Variants in LPAR1 observed in about 807,000 individuals in gnomAD.
LPAR1 encodes lysophosphatidic acid receptor 1.
In LPAR1, 5 loss-of-function variants were observed where a neutral mutation model predicts 23.8. The observed-to-expected ratio is 0.21, with a 90% CI of 0.11 to 0.44. The LOEUF (loss-of-function observed/expected upper bound fraction) is 0.44. Among genes scored for constraint, LPAR1 ranks in the 20% least tolerant of loss-of-function variants. The pLI is 0.99. For synonymous variants in LPAR1, 160 were observed against 164.7 expected, an observed-to-expected ratio of 0.97 and a Z score of 0.22; for missense variants, 311 against 482.8, an observed-to-expected ratio of 0.64 and a Z score of 3.33.
intron 5 of LPAR1, among the ~76,000 whole-genome samples, chr9:110,924,499 C>CT (rs11434244): frequency 0.22 from 32,625 of 151,598 alleles, 4,312 homozygotes; most frequent in Admixed American, 0.29. Context: ...AAATGATTTT[C>CT]TTTTTTTTCC....
intron 5 of LPAR1, among the ~76,000 whole-genome samples, chr9:110,900,897 A>C (rs760103259): frequency 1.3e-5 from 2 of 152,208 alleles, no homozygotes; most frequent in Non-Finnish European, 2.9e-5. Context: ...ATTTTTGCTC[A>C]TATGTGCCAA....
chr9:110,961,382 A>C (rs1013375532), intron 4 of LPAR1, among the ~76,000 whole-genome samples: 4 of 151,924 alleles, frequency 2.6e-5, no homozygotes, highest in African/African-American at 9.7e-5. Context: ...GCACTTTGGG[A>C]GGCCGAGACG....
At chr9:110,886,359 C>A (rs1306121180) in intron 5 of LPAR1, among the ~76,000 whole-genome samples, 2 of 34,690 alleles carry the variant, frequency 5.8e-5, no homozygotes, top group Non-Finnish European at 9.8e-5. Flanking sequence ...AGCGAAACTC[C>A]ATCTCAAAAA....
chr9:110,957,231 C>T (rs1221656898), intron 4 of LPAR1, among the ~76,000 whole-genome samples: 3 of 151,082 alleles, frequency 2.0e-5, no homozygotes. Context: ...GTAGTGCGCA[C>T]CTATAGTCCC....
At chr9:110,983,106 C>T (rs1176245853) in intron 2 of LPAR1, among the ~76,000 whole-genome samples, 12 of 151,944 alleles carry the variant, frequency 7.9e-5, no homozygotes, top group Admixed American at 7.9e-4. Context: ...TATAGAGGTT[C>T]CTCAAAAAAA....
chr9:110,897,033 C>G (rs978102897), intron 5 of LPAR1, among the ~76,000 whole-genome samples: 2 of 152,042 alleles, frequency 1.3e-5, no homozygotes, highest in African/African-American at 4.8e-5. Flanking sequence ...ATGATCTGCC[C>G]ACCTCGGCCT....
At chr9:110,927,900 AT>A (rs2094153425) in intron 5 of LPAR1, among the ~76,000 whole-genome samples, 1 of 152,140 alleles carries the variant, frequency 6.6e-6, no homozygotes, top group Admixed American at 6.5e-5. Context: ...ACTGTGCTAT[AT>A]GTTGAAGGGA....
At chr9:110,876,788 G>A (rs982444535) in intron 5 of LPAR1, among the ~76,000 whole-genome samples, 1 of 152,216 alleles carries the variant, frequency 6.6e-6, no homozygotes, top group Non-Finnish European at 1.5e-5. Context: ...TAAGAGGAAT[G>A]AAAATATAGA....
intron 2 of LPAR1, among the ~76,000 whole-genome samples, chr9:111,007,643 T>C (rs2097247341): frequency 1.3e-5 from 2 of 152,150 alleles, no homozygotes; most frequent in Non-Finnish European, 2.9e-5. Flanking sequence ...TTGCTGCACT[T>C]TCGAGCACTG....
At chr9:110,937,055 T>G (rs1196120129) in intron 5 of LPAR1, among the ~76,000 whole-genome samples, 1 of 152,184 alleles carries the variant, frequency 6.6e-6, no homozygotes, top group Non-Finnish European at 1.5e-5. Context: ...TCAAGTTAAC[T>G]ATACCTTGAA....
chr9:110,928,601 C>T (rs1588377255), intron 5 of LPAR1, among the ~76,000 whole-genome samples: 3 of 152,288 alleles, frequency 2.0e-5, no homozygotes, highest in African/African-American at 7.2e-5. Context: ...TTTATACACA[C>T]GCACACATAC....
At chr9:110,893,331 T>C (rs919530659) in intron 5 of LPAR1, among the ~76,000 whole-genome samples, 1 of 152,126 alleles carries the variant, frequency 6.6e-6, no homozygotes, top group Non-Finnish European at 1.5e-5. Context: ...GGTAGAAAAT[T>C]AGAAACTATC....
chr9:111,022,391 C>T (rs1413172733), intron 2 of LPAR1, among the ~76,000 whole-genome samples: 2 of 152,170 alleles, frequency 1.3e-5, no homozygotes, highest in South Asian at 2.1e-4. Context: ...TCCCATCTCA[C>T]GTGGTCTCCA....
At chr9:110,990,815 C>T (rs946133391) in intron 2 of LPAR1, among the ~76,000 whole-genome samples, 4 of 151,966 alleles carry the variant, frequency 2.6e-5, no homozygotes, top group Non-Finnish European at 2.9e-5. Flanking sequence ...CAATTGCTAA[C>T]GCTCTAACCA....
At chr9:110,996,039 G>T (rs2096994414) in intron 2 of LPAR1, among the ~76,000 whole-genome samples, 1 of 152,118 alleles carries the variant, frequency 6.6e-6, no homozygotes, top group South Asian at 2.1e-4. Context: ...TCTGAGACAT[G>T]ACCTAAAAAC....
intron 2 of LPAR1, among the ~76,000 whole-genome samples, chr9:111,023,581 G>A (rs2097610101): frequency 6.6e-6 from 1 of 151,462 alleles, no homozygotes. Flanking sequence ...CAGTGATAAC[G>A]ACTGCTTTAC....
At chr9:110,994,819 G>A (rs1472771814) in intron 2 of LPAR1, among the ~76,000 whole-genome samples, 1 of 152,160 alleles carries the variant, frequency 6.6e-6, no homozygotes, top group African/African-American at 2.4e-5. Context: ...AGACACATAT[G>A]TGCCTGATTT....
At chr9:111,022,790 T>C (rs1002533541) in intron 2 of LPAR1, among the ~76,000 whole-genome samples, 9 of 151,996 alleles carry the variant, frequency 5.9e-5, no homozygotes, top group South Asian at 4.2e-4. Flanking sequence ...GTGGCTCAAG[T>C]CTGTAATCCC....
chr9:111,031,372 T>C (rs1169215190), intron 2 of LPAR1, among the ~76,000 whole-genome samples: 1 of 127,646 alleles, frequency 7.8e-6, no homozygotes, highest in Non-Finnish European at 1.6e-5. Flanking sequence ...GCCTGGGTAA[T>C]GTAGTGAGAG....
Sources: allele counts gnomAD v4.1 joint callset (sites outside exome capture counted in the v4.1 genomes callset), GRCh38; gene constraint gnomAD v4.1.1; transcripts MANE v1.5; gene names NCBI Gene and HGNC (gene_info 2026-07-23, HGNC 2026-07-21).